PPP1R9A: variants seen among roughly 807,000 people sequenced by gnomAD.
The protein encoded by PPP1R9A is neurabin-1.
A neutral mutation model predicts 141.9 loss-of-function variants in PPP1R9A; 59 were observed. That is an observed-to-expected ratio of 0.42 (90% CI 0.34 to 0.52). The LOEUF is 0.52. PPP1R9A is among the 20% of genes least tolerant of loss of function. The pLI is 0.10. For missense variants in PPP1R9A, 1,444 were observed against 1,611.9 expected (o/e 0.90, Z 1.78); for synonymous variants, 500 against 569.7 (o/e 0.88, Z 1.74).
chr7:95,038,376 G>A (rs1225298222), intron 2 of PPP1R9A, among the ~76,000 whole-genome samples: 3 of 152,126 alleles, frequency 2.0e-5, no homozygotes, highest in African/African-American at 7.2e-5. Context: ...ATTCAGCAGG[G>A]TGTGACTTAG....
rs1391175745 is a variant in PPP1R9A at position 95,293,679 on chromosome 7, C to T, written c.*3376C>T. ...ACTAGCCTGAAATCTTAAAATATCCCAGTCCCAAGCTACAAAAATGGTCAC... is the reference window on the plus strand; with the variant it reads ...ACTAGCCTGAAATCTTAAAATATCCTAGTCCCAAGCTACAAAAATGGTCAC... On this transcript the variant is annotated 3_prime_UTR_variant, in exon 20 of 20. Transcript: ENST00000433360. 1 of 152,184 alleles carries T rather than the reference C, an allele frequency of 6.6e-6. No homozygotes were observed. The highest frequency in any genetic ancestry group is 2.4e-5 in the African/African-American group (1 of 41,438). The allele number at this position is 152,184 out of a possible 1,614,324, so 9.4% of individuals were successfully genotyped here. A position where few individuals can be genotyped will look rare whatever the true frequency, so the allele number is the denominator to read the frequency against.
intron 7 of PPP1R9A, among the ~76,000 whole-genome samples, chr7:95,216,130 A>G (rs1480289749): frequency 1.3e-5 from 2 of 152,176 alleles, no homozygotes; most frequent in African/African-American, 4.8e-5. Flanking sequence ...TCTTTAATCC[A>G]TCTTGAATGA....
At chr7:95,227,396 T>C (rs549513356) in intron 8 of PPP1R9A, among the ~76,000 whole-genome samples, 1 of 152,302 alleles carries the variant, frequency 6.6e-6, no homozygotes, top group South Asian at 2.1e-4. Flanking sequence ...AGATAATATA[T>C]GGAAAGTTAT....
At chr7:95,167,897 G>A (rs1411198207) in intron 5 of PPP1R9A, among the ~76,000 whole-genome samples, 2 of 152,010 alleles carry the variant, frequency 1.3e-5, no homozygotes, top group Non-Finnish European at 2.9e-5. Context: ...AAAAATTGAA[G>A]AGGACACAAA....
chr7:95,137,379 C>T (rs1426282042), intron 4 of PPP1R9A, among the ~76,000 whole-genome samples: 1 of 138,396 alleles, frequency 7.2e-6, no homozygotes, highest in Admixed American at 7.8e-5. Flanking sequence ...ATGATGGTTT[C>T]CAGCTTCATC....
chr7:94,985,416 A>G (rs1269603674), intron 2 of PPP1R9A, among the ~76,000 whole-genome samples: 2 of 152,160 alleles, frequency 1.3e-5, no homozygotes, highest in Non-Finnish European at 1.5e-5. Context: ...TAATATTCAC[A>G]GTGGGGTATT....
At chr7:94,988,058 T>C (rs973348930) in intron 2 of PPP1R9A, among the ~76,000 whole-genome samples, 2 of 152,114 alleles carry the variant, frequency 1.3e-5, no homozygotes, top group African/African-American at 4.8e-5. Flanking sequence ...CAGAGGTTCA[T>C]TACCCTGGAC....
In PPP1R9A at chr7:95,273,993, A is replaced by T. The variant is rs776743718; in HGVS notation, c.3212+7A>T. Reference sequence around the variant, plus strand: ...GGAAGTTTGTGGATCTGGGGTAAGCACTTCACGATGTAAAAAGAAAGCCCT... The same window carrying T: ...GGAAGTTTGTGGATCTGGGGTAAGCTCTTCACGATGTAAAAAGAAAGCCCT... On this transcript the variant is annotated splice_region_variant and intron_variant, in intron 15 of 19. Coordinates refer to ENST00000433360, the MANE Select transcript of PPP1R9A (RefSeq NM_001166160.2). The T allele has an allele frequency of 1.3e-6, 2 of 1,503,030 alleles. No homozygotes were observed. Among genetic ancestry groups the T allele is most frequent in the South Asian group, 2.3e-5 (2 of 87,724 alleles). 93.1% of individuals were successfully genotyped at this position (1,503,030 alleles called of 1,614,324 possible).
intron 9 of PPP1R9A, among the ~76,000 whole-genome samples, chr7:95,249,061 C>A (rs1446987784): frequency 6.6e-6 from 1 of 152,012 alleles, no homozygotes; most frequent in Non-Finnish European, 1.5e-5. Flanking sequence ...GACTTTTGAG[C>A]CCTCACCTAA....
rs758762524 is a variant in PPP1R9A, at chr7:95,252,079, A to G, written c.2614A>G (p.Met872Val). Residue 872 changes from methionine to valine, a missense_variant, in exon 12 of 20, where the codon ATG (methionine) becomes GTG (valine). Around this residue, in one of 5 missense-constraint regions of PPP1R9A, gnomAD observed 488 missense variants for 542.0 expected, o/e 0.90. Coordinates refer to ENST00000433360, the MANE Select transcript of PPP1R9A (RefSeq NM_001166160.2). Reference sequence around the variant, plus strand: ...TGGTGAAGTCTCTAAAGGGGATACCATGGAGAACTTGGATGGCAAGCAGAC... The same window carrying G: ...TGGTGAAGTCTCTAAAGGGGATACCGTGGAGAACTTGGATGGCAAGCAGAC... ...SLGEVSKGDT[M>V]ENLDGKQTSC... is the part of the protein sequence containing the mutation. The G allele has an allele frequency of 1.2e-6, 2 of 1,609,496 alleles. No individual in the cohort carries two copies. The highest frequency in any genetic ancestry group is 2.2e-5 in the East Asian group (1 of 44,770).
At chr7:95,178,466 C>T (rs538599348) in intron 5 of PPP1R9A, among the ~76,000 whole-genome samples, 53 of 151,896 alleles carry the variant, frequency 3.5e-4, no homozygotes, top group African/African-American at 1.2e-3. Context: ...AAGGTCACAC[C>T]TCAGGGAACT....
intron 5 of PPP1R9A, among the ~76,000 whole-genome samples, chr7:95,166,817 A>T (rs1178687043): frequency 6.6e-6 from 1 of 152,224 alleles, no homozygotes; most frequent in African/African-American, 2.4e-5. Context: ...ATACACCATG[A>T]TTAAGTGGGA....
At chr7:95,269,095 A>G (rs925523063) in intron 13 of PPP1R9A, 112 bp from the exon 14 acceptor site, 6 of 1,026,860 alleles carry the variant, frequency 5.8e-6, no homozygotes, top group Non-Finnish European at 8.3e-6. Flanking sequence ...ATCAACAAAA[A>G]CTGGTTTTCA....
chr7:94,919,533 C>T (rs1452417248), intron 2 of PPP1R9A, among the ~76,000 whole-genome samples: 1 of 152,020 alleles, frequency 6.6e-6, no homozygotes, highest in Non-Finnish European at 1.5e-5. Flanking sequence ...GAATCCTGTT[C>T]CTTTTCTAAT....
In PPP1R9A at chr7:95,291,782, A is replaced by G. The variant is rs920850450; in HGVS notation, c.*1479A>G. ...GACAGTATTTTACTTCTTTTACTTT[A>G]TGGGAATCTCTGCTCTGTTCCCAGC... On this transcript the variant is annotated 3_prime_UTR_variant, in exon 20 of 20. Coordinates refer to ENST00000433360, the MANE Select transcript of PPP1R9A (RefSeq NM_001166160.2). The G allele has an allele frequency of 6.6e-6, 1 of 152,108 alleles. No homozygotes were observed. The highest frequency in any genetic ancestry group is 2.4e-5 in the African/African-American group (1 of 41,418). The allele number at this position is 152,108 out of a possible 1,614,324, so 9.4% of individuals were successfully genotyped here.
intron 6 of PPP1R9A, among the ~76,000 whole-genome samples, chr7:95,199,290 T>C (rs1301892463): frequency 6.6e-6 from 1 of 152,242 alleles, no homozygotes; most frequent in Non-Finnish European, 1.5e-5. Context: ...AAAAGATCCA[T>C]CAACAATTTA....
At chr7:95,000,996 C>CT (rs1209158649) in intron 2 of PPP1R9A, among the ~76,000 whole-genome samples, 1 of 152,062 alleles carries the variant, frequency 6.6e-6, no homozygotes, top group Non-Finnish European at 1.5e-5. Context: ...GTGTAGAGCC[C>CT]TGTGTCTTAA....
At chr7:95,157,222 C>T (rs1487035065) in intron 4 of PPP1R9A, among the ~76,000 whole-genome samples, 2 of 151,536 alleles carry the variant, frequency 1.3e-5, no homozygotes, top group South Asian at 4.1e-4. Flanking sequence ...CACTTCTGAG[C>T]CTGCAGGGGC....
chr7:95,291,921 G>A lies in PPP1R9A; in HGVS notation c.*1618G>A, dbSNP rs1806417131. 1 of 152,012 alleles carries A rather than the reference G, an allele frequency of 6.6e-6. No homozygotes were observed. The highest frequency in any genetic ancestry group is 2.4e-5 in the African/African-American group (1 of 41,392). 9.4% of individuals were successfully genotyped at this position (152,012 alleles called of 1,614,324 possible). ...CCATCTTGTATTTTAATAACAGTGT[G>A]ATTTTTTTTTATCTGAAAATCTGAA... is the stretch of plus-strand genomic sequence containing the variant. On this transcript the variant is annotated 3_prime_UTR_variant, in exon 20 of 20. Coordinates refer to ENST00000433360, the MANE Select transcript of PPP1R9A (RefSeq NM_001166160.2).
Sources: allele counts gnomAD v4.1 joint callset (sites outside exome capture counted in the v4.1 genomes callset), GRCh38; gene constraint gnomAD v4.1.1; regional missense constraint gnomAD v4.1.1; transcripts MANE v1.5; gene names NCBI Gene and HGNC (gene_info 2026-07-23, HGNC 2026-07-21).